Variants in MMAB observed in about 807,000 individuals in gnomAD.
MMAB encodes metabolism of cobalamin associated B, also known as corrinoid adenosyltransferase MMAB.
MMAB carries 17 observed loss-of-function variants against 30.6 expected under a neutral mutation model. That is an observed-to-expected ratio of 0.56 (90% CI 0.38 to 0.83). MMAB has a LOEUF of 0.83. MMAB is among the 40% of genes least tolerant of loss of function. The pLI, the probability that MMAB is intolerant of heterozygous loss-of-function variation, is 0.00. For synonymous variants in MMAB, 134 were observed against 138.6 expected (o/e 0.97, Z 0.23); for missense variants, 311 against 331.6 (o/e 0.94, Z 0.48).
In MMAB at chr12:109,561,053, G is replaced by A. The variant is rs376128990; in HGVS notation, c.571C>T (p.Arg191Trp). 1.3e-5 allele frequency: 19 copies of A among 1,510,268 alleles called. No homozygotes were observed. Among genetic ancestry groups the A allele is most frequent in the African/African-American group, 1.0e-4 (7 of 69,968 alleles). The allele number at this position is 1,510,268 out of a possible 1,614,324, so 93.6% of individuals were successfully genotyped here. Residue 191 changes from arginine to tryptophan, a missense_variant, in exon 7 of 9, where the codon CGG becomes TGG. Physicochemically the swap from Arg to Trp is moderately radical, Grantham distance 101. Transcript: ENST00000545712. This position sits in a 1 kb window ranked among gnomAD's most constrained non-coding sequence, Gnocchi z 5.3. ...CAGCCCTCTTACCGTCTCTCGGCCC[G>A]GCGGCACACGGCCCGGCAGAAATGC... ...ALHFCRAVCR[R>W]AERRVVPLVQ...
intron 1 of MMAB, among the ~76,000 whole-genome samples, chr12:109,572,719 T>C (rs1884695135): frequency 6.6e-6 from 1 of 152,132 alleles, no homozygotes; most frequent in Non-Finnish European, 1.5e-5. Flanking sequence ...CCCAAATTTT[T>C]ATCTTATACT....
chr12:109,558,978 T>C lies in MMAB; in HGVS notation c.644+118A>G. On this transcript the variant is annotated intron_variant, in intron 8 of 8. Transcript: ENST00000545712. The surrounding 1 kb of genome is among the most constrained non-coding windows in gnomAD (Gnocchi z 4.3). ...CAGATGTTCATAAACACTAAGGGAA[T>C]GAAGGAGGGGGTGCGGGAATGCTGC... 1 of 760,942 alleles carries C rather than the reference T, an allele frequency of 1.3e-6. No individual in the cohort carries two copies. Among genetic ancestry groups the C allele is most frequent in the Non-Finnish European group, 2.3e-6 (1 of 429,604 alleles). 47.1% of individuals were successfully genotyped at this position (760,942 alleles called of 1,614,324 possible).
In MMAB at chr12:109,561,857, G is replaced by A. The variant is rs1228758269; in HGVS notation, c.349-5C>T. 6.2e-7 allele frequency: 1 copy of A among 1,601,590 alleles called. No homozygotes were observed. Among genetic ancestry groups the A allele is most frequent in the Non-Finnish European group, 8.5e-7 (1 of 1,173,118 alleles). On this transcript the variant is annotated splice_polypyrimidine_tract_variant and splice_region_variant and intron_variant, in intron 4 of 8. Coordinates refer to ENST00000545712, the MANE Select transcript of MMAB (RefSeq NM_052845.4). The surrounding 1 kb of genome is among the most constrained non-coding windows in gnomAD (Gnocchi z 5.3). ...GTCCTGCAATGTGCACTGGATCTGG[G>A]GGGCGACAGAAAGTGACAGTCAAGA...
chr12:109,559,192 TG>T (rs1884101684), intron 7 of MMAB, 37 bp from the exon 8 acceptor site: 7 of 1,521,832 alleles, frequency 4.6e-6, no homozygotes, highest in Middle Eastern at 1.7e-4. Context: ...CGTGACATTA[TG>T]GGGCTCAACA....
At chr12:109,563,480 C>G (rs1251766920) in intron 4 of MMAB, among the ~76,000 whole-genome samples, 1 of 152,230 alleles carries the variant, frequency 6.6e-6, no homozygotes, top group Non-Finnish European at 1.5e-5. Flanking sequence ...GACACTGTCC[C>G]CGCCCTCACA....
chr12:109,573,280 G>A (rs549054527), intron 1 of MMAB, 67 bp downstream of exon 1: 2 of 1,600,726 alleles, frequency 1.2e-6, no homozygotes, highest in Admixed American at 1.7e-5. Context: ...GCGGTGTGAC[G>A]TACCCATGGC....
rs1297883246 is a variant in MMAB at position 109,555,709 on chromosome 12, G to A, written c.*1319C>T. On this transcript the variant is annotated 3_prime_UTR_variant, in exon 9 of 9. Transcript: ENST00000545712. ...CTGCACCTCACCCACCCTGCCCAAG[G>A]CTCAAGAGGGCCATCACAGCCTGTC... The A allele has an allele frequency of 2.2e-6, 1 of 453,774 alleles. No individual in the cohort carries two copies. Among genetic ancestry groups the A allele is most frequent in the Admixed American group, 2.4e-5 (1 of 42,540 alleles). The allele number at this position is 453,774 out of a possible 1,614,324, so 28.1% of individuals were successfully genotyped here. A position where few individuals can be genotyped will look rare whatever the true frequency, so the allele number is the denominator to read the frequency against.
chr12:109,571,598 TG>T, intron 2 of MMAB, 50 bp downstream of exon 2: 1 of 1,517,526 alleles, frequency 6.6e-7, no homozygotes, highest in Non-Finnish European at 9.2e-7. Flanking sequence ...AACTTTAAAA[TG>T]GTGTATGCCA....
intron 2 of MMAB, among the ~76,000 whole-genome samples, chr12:109,571,251 G>A (rs1884617908): frequency 6.6e-6 from 1 of 151,008 alleles, no homozygotes; most frequent in Non-Finnish European, 1.5e-5. Flanking sequence ...TTTTTTCTGA[G>A]ACTTTTTTTT....
At chr12:109,557,532 G>A (rs762779537) in intron 8 of MMAB, among the ~76,000 whole-genome samples, 22 of 152,338 alleles carry the variant, frequency 1.4e-4, no homozygotes, top group African/African-American at 4.6e-4. Context: ...TCTCAGCGAC[G>A]TGCAGATTCT....
chr12:109,559,324 G>T (rs546249985), intron 7 of MMAB, among the ~76,000 whole-genome samples, 169 bp from the exon 8 acceptor site: 6 of 152,328 alleles, frequency 3.9e-5, no homozygotes, highest in Non-Finnish European at 8.8e-5. Context: ...GTTTAAACAG[G>T]CCATCGGCCC....
chr12:109,562,974 G>A (rs191598686), intron 4 of MMAB, among the ~76,000 whole-genome samples: 12 of 152,354 alleles, frequency 7.9e-5, no homozygotes, highest in African/African-American at 2.2e-4. Context: ...GGGCTACCAG[G>A]AGGGTGAAGG....
chr12:109,569,174 T>C lies in MMAB; in HGVS notation c.197-311A>G, dbSNP rs113733530. 5.3e-5 allele frequency among the ~76,000 whole-genome samples: 8 copies of C among 152,298 alleles called. 1 individual carries two copies. The highest frequency in any genetic ancestry group is 1.9e-4 in the African/African-American group (8 of 41,562). The stretch of plus-strand genomic sequence containing the variant: ...GTTGGCCGAGCTAGTCTTGAACTCC[T>C]GGTCTCAAGTGATTCACCCGCCTCA... On this transcript the variant is annotated intron_variant, in intron 2 of 8. Transcript: ENST00000545712. This position sits in a 1 kb window ranked among gnomAD's most constrained non-coding sequence, Gnocchi z 4.1.
At chr12:109,568,536 T>C (rs758683311) in intron 3 of MMAB, 1 of 604,954 alleles carries the variant, frequency 1.7e-6, no homozygotes, top group Non-Finnish European at 2.9e-6. Context: ...GGAGGCAGCT[T>C]CACATGGCAT....
In MMAB at chr12:109,559,213, C is replaced by T. The variant is rs186678998; in HGVS notation, c.585-58G>A. On this transcript the variant is annotated intron_variant, in intron 7 of 8. Transcript: ENST00000545712. ...ATTATGGGGCTCAACAGGCTCTGACCTGGGCCTAAACCTTGAGCAGCATTT... is the reference window on the plus strand; with the variant it reads ...ATTATGGGGCTCAACAGGCTCTGACTTGGGCCTAAACCTTGAGCAGCATTT... The T allele has an allele frequency of 1.8e-5, 24 of 1,335,206 alleles. No individual in the cohort carries two copies. The East Asian group carries it at 5.3e-4, about 29-fold the overall frequency. The allele number at this position is 1,335,206 out of a possible 1,614,324, so 82.7% of individuals were successfully genotyped here.
intron 3 of MMAB, among the ~76,000 whole-genome samples, chr12:109,566,499 C>T (rs185597941): frequency 3.0e-4 from 45 of 152,346 alleles, no homozygotes; most frequent in Admixed American, 2.7e-3. Context: ...ATGCCCCATG[C>T]CTGCCTCACA....
chr12:109,569,032 C>G lies in MMAB; in HGVS notation c.197-169G>C, dbSNP rs897779430. 2.0e-5 allele frequency among the ~76,000 whole-genome samples: 3 copies of G among 152,000 alleles called. No homozygotes were observed. The highest frequency in any genetic ancestry group is 4.8e-5 in the African/African-American group (2 of 41,390). ...GTGATCTTGGCTCACTGCAGCCTCCCCCTCCCAGGTTCAAGTGATTCTCAT... is the reference window on the plus strand; with the variant it reads ...GTGATCTTGGCTCACTGCAGCCTCCGCCTCCCAGGTTCAAGTGATTCTCAT... On this transcript the variant is annotated intron_variant, in intron 2 of 8. Transcript: ENST00000545712. This position sits in a 1 kb window ranked among gnomAD's most constrained non-coding sequence, Gnocchi z 4.1.
At position 109,561,267 on chromosome 12, in the gene MMAB, A is replaced by C. The variant is rs1224978221; in HGVS notation, c.519+153T>G. ...CCGGGCACGCTGCTCCAGAGTGGGC[A>C]GGGCTGGGAGGGACCGGTGAGGACC... is the stretch of plus-strand genomic sequence containing the variant. On this transcript the variant is annotated intron_variant, in intron 6 of 8. Coordinates refer to ENST00000545712, the MANE Select transcript of MMAB (RefSeq NM_052845.4). This position sits in a 1 kb window ranked among gnomAD's most constrained non-coding sequence, Gnocchi z 5.3. 1 of 1,583,232 alleles carries C rather than the reference A, an allele frequency of 6.3e-7. No individual in the cohort carries two copies. The highest frequency in any genetic ancestry group is 8.5e-7 in the Non-Finnish European group (1 of 1,172,238).
At chr12:109,559,404 GC>G (rs1371425660) in intron 7 of MMAB, among the ~76,000 whole-genome samples, 2 of 152,134 alleles carry the variant, frequency 1.3e-5, no homozygotes, top group Non-Finnish European at 1.5e-5. Flanking sequence ...AGTTGAGGGA[GC>G]CACCTGGCCT....
Sources: gnomAD v4.1 joint callset for allele counts (sites outside exome capture counted in the v4.1 genomes callset) on GRCh38, gnomAD v4.1.1 for gene constraint, Gnocchi (gnomAD v3.1) non-coding constraint, MANE v1.5 for transcripts, NCBI Gene and HGNC (gene_info 2026-07-23, HGNC 2026-07-21) for gene names.